Variants in AIDA observed in about 807,000 individuals in gnomAD.
AIDA encodes axin interactor, dorsalization-associated protein.
AIDA carries 18 observed loss-of-function variants against 42.7 expected under a neutral mutation model. The observed-to-expected ratio is 0.42, with a 90% CI of 0.29 to 0.63. The LOEUF (loss-of-function observed/expected upper bound fraction) is 0.63, where lower values mean the gene tolerates loss of function less well. Among genes scored for constraint, AIDA ranks in the 20% least tolerant of loss-of-function variants. The probability of loss-of-function intolerance (pLI) is 0.19; values close to 1 mark genes in which losing one functional copy is unlikely to be tolerated. For missense variants in AIDA, 250 were observed against 354.1 expected, an observed-to-expected ratio of 0.71 and a Z score of 2.36; for synonymous variants, 104 against 122.9, an observed-to-expected ratio of 0.85 and a Z score of 1.02.
intron 6 of AIDA, 145 bp downstream of exon 6, chr1:222,686,785 T>C (rs1157854043): frequency 3.3e-6 from 3 of 917,650 alleles, no homozygotes; most frequent in Non-Finnish European, 4.9e-6. Flanking sequence ...ACTTATGAAA[T>C]AGCTACTGCC....
chr1:222,673,632 G>A (rs1052431423), intron 7 of AIDA, among the ~76,000 whole-genome samples, 197 bp from the exon 8 acceptor site: 6 of 151,900 alleles, frequency 3.9e-5, no homozygotes, highest in Non-Finnish European at 7.4e-5. Flanking sequence ...AAAAAAATTA[G>A]CCGGGTGTGG....
intron 8 of AIDA, among the ~76,000 whole-genome samples, chr1:222,672,138 G>A (rs1664460266): frequency 6.6e-6 from 1 of 152,120 alleles, no homozygotes; most frequent in East Asian, 1.9e-4. Context: ...TACAGTAACA[G>A]TAAACAGTAA....
chr1:222,674,175 T>C (rs1458911177), intron 7 of AIDA, among the ~76,000 whole-genome samples: 5 of 152,128 alleles, frequency 3.3e-5, no homozygotes, highest in Non-Finnish European at 7.4e-5. Context: ...GAGGAAATTC[T>C]TGGGCTAACA....
intron 7 of AIDA, among the ~76,000 whole-genome samples, chr1:222,674,534 G>A (rs1401083529): frequency 6.6e-6 from 1 of 152,156 alleles, no homozygotes; most frequent in African/African-American, 2.4e-5. Context: ...TCCCCCTGCT[G>A]TATTCAAGTC....
chr1:222,680,312 T>G (rs1664631104), intron 6 of AIDA, among the ~76,000 whole-genome samples: 2 of 152,194 alleles, frequency 1.3e-5, no homozygotes, highest in Admixed American at 1.3e-4. Context: ...TACAGCAGTC[T>G]GACGTCAGCC....
chr1:222,672,517 C>T (rs1006192338), intron 8 of AIDA, among the ~76,000 whole-genome samples: 2 of 152,170 alleles, frequency 1.3e-5, no homozygotes, highest in Non-Finnish European at 2.9e-5. Flanking sequence ...GTTTCGGATT[C>T]AGGATGTCTG....
intron 2 of AIDA, among the ~76,000 whole-genome samples, chr1:222,698,279 G>T (rs1196529464): frequency 6.6e-6 from 1 of 152,116 alleles, no homozygotes; most frequent in Non-Finnish European, 1.5e-5. Context: ...GAGATCAGTA[G>T]TTCTGCTTTA....
chr1:222,701,055 C>T (rs538468095), intron 2 of AIDA, among the ~76,000 whole-genome samples: 4 of 151,274 alleles, frequency 2.6e-5, no homozygotes, highest in Admixed American at 6.6e-5. Context: ...CTCCGCCTCC[C>T]GAGTTCAGGT....
intron 6 of AIDA, among the ~76,000 whole-genome samples, chr1:222,678,532 T>G (rs973262816): frequency 2.0e-5 from 3 of 152,178 alleles, no homozygotes; most frequent in Non-Finnish European, 2.9e-5. Flanking sequence ...AACAAACTTT[T>G]TTTTTGCCTG....
At chr1:222,671,463 T>C (rs901080702) in intron 8 of AIDA, among the ~76,000 whole-genome samples, 1 of 152,204 alleles carries the variant, frequency 6.6e-6, no homozygotes, top group Non-Finnish European at 1.5e-5. Flanking sequence ...GGAGCTTGGC[T>C]TGCAAAGACA....
At chr1:222,682,372 T>G (rs922878919) in intron 6 of AIDA, among the ~76,000 whole-genome samples, 3 of 152,158 alleles carry the variant, frequency 2.0e-5, no homozygotes, top group Admixed American at 6.5e-5. Context: ...TTGAATTTGC[T>G]TATTAAGTTT....
At chr1:222,689,906 T>C (rs891951424) in intron 4 of AIDA, among the ~76,000 whole-genome samples, 7 of 152,090 alleles carry the variant, frequency 4.6e-5, no homozygotes, top group African/African-American at 1.7e-4. Context: ...GCTCCATTCA[T>C]AGTAAGTACC....
chr1:222,698,114 C>T (rs2124964691), intron 2 of AIDA, among the ~76,000 whole-genome samples: 1 of 152,286 alleles, frequency 6.6e-6, no homozygotes, highest in East Asian at 1.9e-4. Flanking sequence ...ATAATGACAA[C>T]ACTATCAGGA....
At chr1:222,687,085 A>G in intron 5 of AIDA, 49 bp from the exon 6 acceptor site, 1 of 1,587,066 alleles carries the variant, frequency 6.3e-7, no homozygotes, top group Middle Eastern at 1.7e-4. Context: ...AACTAAATAT[A>G]CTAGTGAAGC....
chr1:222,700,983 G>GA (rs1655680650), intron 2 of AIDA, among the ~76,000 whole-genome samples: 1 of 126,490 alleles, frequency 7.9e-6, no homozygotes, highest in Non-Finnish European at 1.7e-5. Flanking sequence ...GGGGGGGGGG[G>GA]ACAGGGTCTC....
chr1:222,712,168 C>T (rs1054334326), intron 1 of AIDA, 40 bp downstream of exon 1: 6 of 1,559,956 alleles, frequency 3.8e-6, no homozygotes, highest in Non-Finnish European at 5.2e-6. Flanking sequence ...AGGCGCACGA[C>T]TGGAGCCGGT....
chr1:222,702,220 T>G lies in AIDA; in HGVS notation c.180+928A>C, dbSNP rs544181796. 3.3e-5 allele frequency among the ~76,000 whole-genome samples: 5 copies of G among 152,278 alleles called. No homozygotes were observed. The South Asian group carries it at 1.0e-3, about 32-fold the overall frequency. On this transcript the variant is annotated intron_variant, in intron 2 of 9. Transcript: ENST00000340020. ...TAAATAAGAGTCAAATGAACGTAGA[T>G]GAATAGACTAAAATGGATGTTGTTA...
At chr1:222,710,736 CCA>C (rs1337419551) in intron 1 of AIDA, among the ~76,000 whole-genome samples, 1 of 151,982 alleles carries the variant, frequency 6.6e-6, no homozygotes, top group East Asian at 1.9e-4. Flanking sequence ...TTTTTAAATC[CCA>C]GATTTCAGTG....
intron 6 of AIDA, among the ~76,000 whole-genome samples, chr1:222,679,894 AT>A: frequency 6.6e-6 from 1 of 152,284 alleles, no homozygotes; most frequent in East Asian, 1.9e-4. Context: ...GGGATGCATT[AT>A]TTCTGCCTCA....
Sources: allele counts gnomAD v4.1 joint callset (sites outside exome capture counted in the v4.1 genomes callset), GRCh38; gene constraint gnomAD v4.1.1; transcripts MANE v1.5; gene names NCBI Gene and HGNC (gene_info 2026-07-23, HGNC 2026-07-21).